SMARCA4: variants seen among roughly 807,000 people sequenced by gnomAD.
SMARCA4 encodes the protein SWI/SNF related BAF chromatin remodeling complex subunit ATPase 4, also known as SWI/SNF-related matrix-associated actin-dependent regulator of chromatin subfamily A member 4.
Under a neutral mutation model 193.9 loss-of-function variants are expected in SMARCA4, and 31 were observed. The observed-to-expected ratio is 0.16, with a 90% CI of 0.12 to 0.22. The LOEUF (loss-of-function observed/expected upper bound fraction) is 0.22, where lower values mean the gene tolerates loss of function less well. Among genes scored for constraint, SMARCA4 ranks in the 10% least tolerant of loss-of-function variants. The pLI, the probability that SMARCA4 is intolerant of heterozygous loss-of-function variation, is 1.00. For synonymous variants in SMARCA4, 942 were observed against 933.1 expected, an observed-to-expected ratio of 1.01 and a Z score of -0.17; for missense variants, 1,148 against 2,296.0, an observed-to-expected ratio of 0.50 and a Z score of 10.22.
chr19:11,046,579 G>A (rs991567153), intron 30 of SMARCA4, among the ~76,000 whole-genome samples: 1 of 152,222 alleles, frequency 6.6e-6, no homozygotes, highest in African/African-American at 2.4e-5. Flanking sequence ...CACAGCAGGC[G>A]TGGGTCTGTC....
At chr19:11,032,928 G>A (rs1390938370) in intron 25 of SMARCA4, among the ~76,000 whole-genome samples, 2 of 152,268 alleles carry the variant, frequency 1.3e-5, no homozygotes, top group Non-Finnish European at 2.9e-5. Flanking sequence ...TCGGCCCCCT[G>A]TTGTAAATGG....
chr19:11,027,654 AGG>A, intron 23 of SMARCA4, 128 bp from the exon 24 acceptor site: 1 of 949,110 alleles, frequency 1.1e-6, no homozygotes, highest in East Asian at 2.4e-5. Context: ...ACGTCTGCTT[AGG>A]ATGCATGTCT....
chr19:11,047,592 TAG>T (rs1215679990), intron 30 of SMARCA4: 1 of 152,132 alleles, frequency 6.6e-6, no homozygotes, highest in African/African-American at 2.4e-5. Flanking sequence ...TATTTTTTAG[TAG>T]AGATGGGGTT....
chr19:10,962,735 G>A (rs1416291853), intron 1 of SMARCA4, among the ~76,000 whole-genome samples: 1 of 152,086 alleles, frequency 6.6e-6, no homozygotes, highest in Non-Finnish European at 1.5e-5. Flanking sequence ...TAGATATGGG[G>A]TTTTACCATG....
intron 30 of SMARCA4, among the ~76,000 whole-genome samples, chr19:11,043,776 C>T (rs881227): frequency 0.2 from 30,016 of 152,218 alleles, 3,298 homozygotes; most frequent in South Asian, 0.3. Flanking sequence ...GAGTTTGAGA[C>T]CAGTCTGGCC....
intron 1 of SMARCA4, among the ~76,000 whole-genome samples, chr19:10,975,600 C>T (rs889324641): frequency 5.3e-5 from 8 of 151,354 alleles, no homozygotes; most frequent in African/African-American, 1.7e-4. Context: ...TGAGCCACCA[C>T]GCCCAGCCTC....
chr19:10,988,400 C>T (rs2086258130), intron 6 of SMARCA4, among the ~76,000 whole-genome samples: 2 of 152,194 alleles, frequency 1.3e-5, no homozygotes, highest in Non-Finnish European at 2.9e-5. Flanking sequence ...AGCCACCGCA[C>T]CTGGCATGAA....
intron 9 of SMARCA4, chr19:10,995,653 G>A (rs77348226): frequency 7.5e-4 from 284 of 377,382 alleles, no homozygotes; most frequent in Non-Finnish European, 1.2e-3. Flanking sequence ...GTGGCAGGCA[G>A]CCATGTGCCA....
chr19:11,017,844 A>G (rs557505450), intron 16 of SMARCA4, among the ~76,000 whole-genome samples: 35 of 152,254 alleles, frequency 2.3e-4, no homozygotes, highest in Non-Finnish European at 3.7e-4. Flanking sequence ...GGTGACTCCA[A>G]CCCTCAGGCT....
Position 11,007,951 on chromosome 19 carries a change from T to C in SMARCA4, c.2051T>C (p.Val684Ala), listed in dbSNP as rs979444190. ...PQAAQPPTLP[V>A]EEKKKIPDPD... ...GCAGCACAGCCTCCCACCCTGCCCG[T>C]GGAGGAGAAGAAGAAGATTCCAGAT... The change falls in exon 14 of 35, where the codon GTG (valine) becomes GCG (alanine). Residue 684 changes from valine (V) to alanine (A), a missense_variant. Around this residue, in one of 17 missense-constraint regions of SMARCA4, gnomAD observed 115 missense variants for 175.1 expected, o/e 0.66. Coordinates refer to ENST00000344626, the MANE Select transcript of SMARCA4 (RefSeq NM_003072.5). 4.3e-6 allele frequency: 7 copies of C among 1,613,392 alleles called. No individual in the cohort carries two copies. Among genetic ancestry groups the C allele is most frequent in the Non-Finnish European group, 4.2e-6 (5 of 1,179,670 alleles).
intron 19 of SMARCA4, 40 bp downstream of exon 19, chr19:11,022,007 T>C (rs1293500243): frequency 6.2e-7 from 1 of 1,610,940 alleles, no homozygotes; most frequent in Admixed American, 1.7e-5. Flanking sequence ...CGGTTCCAGG[T>C]GCGGCTGGCT....
chr19:11,057,516 G>A (rs2076611593), intron 30 of SMARCA4, among the ~76,000 whole-genome samples: 1 of 152,086 alleles, frequency 6.6e-6, no homozygotes, highest in Non-Finnish European at 1.5e-5. Flanking sequence ...AGATCACGAG[G>A]TCAAGAGATC....
intron 30 of SMARCA4, among the ~76,000 whole-genome samples, chr19:11,048,519 CAA>C (rs1296374908): frequency 6.6e-6 from 1 of 152,156 alleles, no homozygotes; most frequent in Non-Finnish European, 1.5e-5. Flanking sequence ...TCTAACAATT[CAA>C]AGAGTGAACA....
chr19:11,041,068 A>G lies in SMARCA4; in HGVS notation c.4171-239A>G. ...TTTTTGGTCAAGAAATTCAACCATT[A>G]GTTTTTTAAAGACAAGCTTGGGTGG... is the stretch of plus-strand genomic sequence containing the variant. On this transcript the variant is annotated intron_variant, in intron 29 of 34. Coordinates refer to ENST00000344626, the MANE Select transcript of SMARCA4 (RefSeq NM_003072.5). This position sits in a 1 kb window ranked among gnomAD's most constrained non-coding sequence, Gnocchi z 5.6. 1.9e-6 allele frequency: 1 copy of G among 530,936 alleles called. No homozygotes were observed. 32.9% of individuals were successfully genotyped at this position (530,936 alleles called of 1,614,324 possible). A position where few individuals can be genotyped will look rare whatever the true frequency, so the allele number is the denominator to read the frequency against.
chr19:11,035,223 G>A (rs1015481343), intron 29 of SMARCA4, 91 bp downstream of exon 29: 1 of 1,250,016 alleles, frequency 8.0e-7, no homozygotes, highest in Non-Finnish European at 1.1e-6. Context: ...TCAGGCCTGG[G>A]TCCAAAATGC....
At chr19:11,022,205 C>G (rs991559510) in intron 19 of SMARCA4, among the ~76,000 whole-genome samples, 4 of 152,144 alleles carry the variant, frequency 2.6e-5, no homozygotes, top group Admixed American at 2.6e-4. Flanking sequence ...CGTCTCTGAC[C>G]CTATGCTCCA....
At chr19:11,010,616 A>T in intron 15 of SMARCA4, 85 bp downstream of exon 15, 1 of 1,320,934 alleles carries the variant, frequency 7.6e-7, no homozygotes, top group Non-Finnish European at 1.1e-6. Flanking sequence ...GACCTCAGGC[A>T]GACCTGAGTT....
At chr19:11,014,199 T>C (rs951958393) in intron 16 of SMARCA4, among the ~76,000 whole-genome samples, 14 of 152,118 alleles carry the variant, frequency 9.2e-5, no homozygotes, top group African/African-American at 2.9e-4. Context: ...CCCCAACTCC[T>C]GGCAGGCTGG....
At position 10,986,594 on chromosome 19, in the gene SMARCA4, G is replaced by T. The variant is rs2086063707; in HGVS notation, c.760+1G>T. ...CCTCCAAATTACAGCAGGCCTCATG[G>T]TAAGACTGGCTGCCCTGGCCCTCAG... On this transcript the variant is annotated splice_donor_variant, in intron 4 of 34. Coordinates refer to ENST00000344626, the MANE Select transcript of SMARCA4 (RefSeq NM_003072.5). LOFTEE classifies it high-confidence loss of function. The surrounding 1 kb of genome is among the most constrained non-coding windows in gnomAD (Gnocchi z 6.7). 6.5e-7 allele frequency: 1 copy of T among 1,535,922 alleles called. No individual in the cohort carries two copies. Among genetic ancestry groups the T allele is most frequent in the Non-Finnish European group, 8.7e-7 (1 of 1,146,794 alleles).
Sources: gnomAD v4.1 joint callset for allele counts (sites outside exome capture counted in the v4.1 genomes callset) on GRCh38, gnomAD v4.1.1 for gene constraint, gnomAD v4.1.1 regional missense constraint, Gnocchi (gnomAD v3.1) non-coding constraint, MANE v1.5 for transcripts, NCBI Gene and HGNC (gene_info 2026-07-23, HGNC 2026-07-21) for gene names.